FSTL5: variants seen among roughly 807,000 people sequenced by gnomAD.
FSTL5 encodes the protein follistatin like 5, also known as follistatin-related protein 5.
A neutral mutation model predicts 89.1 loss-of-function variants in FSTL5; 62 were observed. The ratio of observed to expected loss-of-function variants is 0.70; its 90% CI spans 0.57 to 0.86. The LOEUF (loss-of-function observed/expected upper bound fraction) is 0.86, where lower values mean the gene tolerates loss of function less well. Among genes scored for constraint, FSTL5 ranks in the 40% least tolerant of loss-of-function variants. The probability of loss-of-function intolerance (pLI) is 0.00; values close to 1 mark genes in which losing one functional copy is unlikely to be tolerated. For missense variants in FSTL5, 1,057 were observed against 1,001.6 expected (o/e 1.06, Z -0.75); for synonymous variants, 383 against 346.2 (o/e 1.11, Z -1.18).
chr4:161,717,313 G>T (rs1294664437), intron 6 of FSTL5, among the ~76,000 whole-genome samples: 1 of 152,166 alleles, frequency 6.6e-6, no homozygotes, highest in Non-Finnish European at 1.5e-5. Flanking sequence ...CATCTGAGTA[G>T]ATCAATAGGA....
chr4:161,941,016 T>C (rs918990617), intron 3 of FSTL5, among the ~76,000 whole-genome samples: 6 of 151,658 alleles, frequency 4.0e-5, no homozygotes, highest in Non-Finnish European at 7.4e-5. Context: ...GAAAACAACA[T>C]AAAGGGAGAG....
chr4:161,504,893 T>A (rs1467538237), intron 11 of FSTL5, among the ~76,000 whole-genome samples: 1 of 152,058 alleles, frequency 6.6e-6, no homozygotes, highest in Non-Finnish European at 1.5e-5. Context: ...TACAATTTGA[T>A]TAATTTCTGA....
chr4:161,404,092 G>A (rs768255866), intron 15 of FSTL5, among the ~76,000 whole-genome samples: 16 of 152,122 alleles, frequency 1.1e-4, no homozygotes, highest in African/African-American at 1.7e-4. Flanking sequence ...CTGTGTTTGC[G>A]CATTTTTACT....
chr4:161,885,535 T>C (rs191259256), intron 4 of FSTL5, among the ~76,000 whole-genome samples: 136 of 152,222 alleles, frequency 8.9e-4, no homozygotes, highest in African/African-American at 3.2e-3. Context: ...AGCCTCAACC[T>C]CCCAGACTCA....
At chr4:161,512,566 G>GA (rs1730685975) in intron 10 of FSTL5, among the ~76,000 whole-genome samples, 1 of 151,956 alleles carries the variant, frequency 6.6e-6, no homozygotes, top group South Asian at 2.1e-4. Flanking sequence ...TTTCCAGATA[G>GA]AAAAAAAGCA....
chr4:162,141,551 C>A (rs572305798), intron 1 of FSTL5, among the ~76,000 whole-genome samples: 41 of 152,242 alleles, frequency 2.7e-4, no homozygotes, highest in African/African-American at 9.4e-4. Context: ...GCCTGTAGAA[C>A]CGTAAGCCAA....
At chr4:161,549,042 A>G (rs1732106112) in intron 8 of FSTL5, among the ~76,000 whole-genome samples, 1 of 151,742 alleles carries the variant, frequency 6.6e-6, no homozygotes, top group Non-Finnish European at 1.5e-5. Flanking sequence ...TTCCATACTT[A>G]ATATTGAGAA....
chr4:161,910,487 A>G (rs1179326343), intron 4 of FSTL5, among the ~76,000 whole-genome samples: 1 of 152,132 alleles, frequency 6.6e-6, no homozygotes, highest in Non-Finnish European at 1.5e-5. Context: ...ATACCTGTAT[A>G]TATACTCTCC....
chr4:161,504,200 T>C lies in FSTL5; in HGVS notation c.1340-4066A>G, dbSNP rs549952511. On this transcript the variant is annotated intron_variant, in intron 11 of 15. Coordinates refer to ENST00000306100, the MANE Select transcript of FSTL5 (RefSeq NM_020116.5). Reference sequence around the variant, plus strand: ...CTATTTTAACAAGTTAATGAATGCATATTTTAAAAATTTCTATTTCCATTT... The same window carrying C: ...CTATTTTAACAAGTTAATGAATGCACATTTTAAAAATTTCTATTTCCATTT... 2.0e-5 allele frequency among the ~76,000 whole-genome samples: 3 copies of C among 152,088 alleles called. No individual in the cohort carries two copies. In the East Asian group the frequency reaches 5.8e-4, roughly 29 times the overall value.
chr4:161,720,204 C>CAA (rs34684242), intron 6 of FSTL5, among the ~76,000 whole-genome samples: 4,419 of 141,994 alleles, frequency 0.031, 103 homozygotes, highest in East Asian at 0.059. Context: ...AACACAATAG[C>CAA]AAAAAAAAAA....
At chr4:161,630,908 T>A (rs1002804762) in intron 7 of FSTL5, among the ~76,000 whole-genome samples, 1 of 152,220 alleles carries the variant, frequency 6.6e-6, no homozygotes, top group African/African-American at 2.4e-5. Context: ...AAATTCTTTC[T>A]TATAACTTTT....
At chr4:161,878,989 A>G (rs1156452364) in intron 4 of FSTL5, among the ~76,000 whole-genome samples, 1 of 152,118 alleles carries the variant, frequency 6.6e-6, no homozygotes, top group Non-Finnish European at 1.5e-5. Context: ...CCTAAATGTA[A>G]AATTTACATA....
intron 2 of FSTL5, among the ~76,000 whole-genome samples, chr4:162,085,489 C>A (rs974781233): frequency 1.3e-5 from 2 of 150,908 alleles, no homozygotes; most frequent in Non-Finnish European, 3.0e-5. Flanking sequence ...TTATCAGTTG[C>A]TACAATTATC....
intron 4 of FSTL5, among the ~76,000 whole-genome samples, chr4:161,865,364 T>A (rs968257624): frequency 6.6e-6 from 1 of 152,200 alleles, no homozygotes; most frequent in African/African-American, 2.4e-5. Flanking sequence ...TTATTCAATT[T>A]ATAAGTCAGT....
chr4:161,989,237 G>C (rs1025747718), intron 3 of FSTL5, among the ~76,000 whole-genome samples: 1 of 152,056 alleles, frequency 6.6e-6, no homozygotes, highest in Non-Finnish European at 1.5e-5. Flanking sequence ...GGTTGCAATT[G>C]ACTTCTCAAA....
intron 10 of FSTL5, among the ~76,000 whole-genome samples, chr4:161,534,489 T>TA (rs1349123682): frequency 2.0e-5 from 3 of 152,032 alleles, no homozygotes; most frequent in African/African-American, 7.2e-5. Flanking sequence ...GCTAAAATTA[T>TA]ATGTAATACA....
chr4:161,730,449 A>T (rs1313711037), intron 6 of FSTL5, among the ~76,000 whole-genome samples: 1 of 151,890 alleles, frequency 6.6e-6, no homozygotes, highest in Non-Finnish European at 1.5e-5. Flanking sequence ...TTTAACATAG[A>T]ATTATTTATT....
intron 8 of FSTL5, among the ~76,000 whole-genome samples, chr4:161,573,981 G>A (rs1034403299): frequency 1.3e-5 from 2 of 152,128 alleles, no homozygotes; most frequent in Admixed American, 6.6e-5. Flanking sequence ...GATAATCCAC[G>A]TTCATGCATT....
intron 8 of FSTL5, among the ~76,000 whole-genome samples, chr4:161,546,606 G>A (rs909138551): frequency 7.3e-5 from 11 of 151,670 alleles, no homozygotes; most frequent in Admixed American, 2.0e-4. Context: ...ATGCCAACAC[G>A]TAACTTTAAA....
Sources: allele counts gnomAD v4.1 joint callset (sites outside exome capture counted in the v4.1 genomes callset), GRCh38; gene constraint gnomAD v4.1.1; transcripts MANE v1.5; gene names NCBI Gene and HGNC (gene_info 2026-07-23, HGNC 2026-07-21).